Variants in NUBPL observed in about 807,000 individuals in gnomAD.
NUBPL encodes the protein iron-sulfur cluster transfer protein NUBPL.
A neutral mutation model predicts 45.7 loss-of-function variants in NUBPL; 31 were observed. The observed-to-expected ratio is 0.68, with a 90% confidence interval of 0.51 to 0.92. The LOEUF (loss-of-function observed/expected upper bound fraction) is 0.92. Among genes scored for constraint, NUBPL ranks in the 40% least tolerant of loss-of-function variants. The pLI, the probability that NUBPL is intolerant of heterozygous loss-of-function variation, is 0.00. For synonymous variants in NUBPL, 144 were observed against 140.9 expected (o/e 1.02, Z -0.15); for missense variants, 401 against 398.7 (o/e 1.01, Z -0.05).
chr14:31,773,502 T>C (rs527432467), intron 6 of NUBPL, among the ~76,000 whole-genome samples: 14 of 152,182 alleles, frequency 9.2e-5, no homozygotes, highest in African/African-American at 2.9e-4. Flanking sequence ...TAGTTACATA[T>C]AAAAAAATTA....
chr14:31,609,971 A>C (rs1240078655), intron 4 of NUBPL, among the ~76,000 whole-genome samples: 1 of 152,140 alleles, frequency 6.6e-6, no homozygotes, highest in Non-Finnish European at 1.5e-5. Flanking sequence ...AAAAGAGGTA[A>C]AATTTTCAAT....
chr14:31,605,107 A>T (rs2034549284), intron 4 of NUBPL, among the ~76,000 whole-genome samples: 2 of 152,304 alleles, frequency 1.3e-5, no homozygotes, highest in South Asian at 2.1e-4. Context: ...ACAAATGCCA[A>T]TTTTTTCCTT....
At chr14:31,592,995 G>GTT (rs1230693252) in intron 3 of NUBPL, among the ~76,000 whole-genome samples, 1 of 151,964 alleles carries the variant, frequency 6.6e-6, no homozygotes, top group East Asian at 1.9e-4. Context: ...ATATGTGCTG[G>GTT]TTTTGCATCT....
At position 31,623,699 on chromosome 14, in the gene NUBPL, C is replaced by G. The variant is rs371050269; in HGVS notation, c.382+24320C>G. ...ACAGAACTATGAGTCAATTAAACCT[C>G]TTTTCTTTATTACCCAGTCTTAGGT... On this transcript the variant is annotated intron_variant, in intron 4 of 10. Coordinates refer to ENST00000281081, the MANE Select transcript of NUBPL (RefSeq NM_025152.3). Among the ~76,000 whole-genome samples, 112 of 152,272 alleles carry G rather than the reference C, an allele frequency of 7.4e-4. 2 individuals carry two copies. The South Asian group carries it at 0.023, about 31-fold the overall frequency.
chr14:31,739,316 C>T (rs1178410305), intron 6 of NUBPL, among the ~76,000 whole-genome samples: 1 of 148,498 alleles, frequency 6.7e-6, no homozygotes, highest in Non-Finnish European at 1.5e-5. Flanking sequence ...AACTCCTGAC[C>T]TCGGATGATC....
At chr14:31,608,642 G>A (rs2034669214) in intron 4 of NUBPL, among the ~76,000 whole-genome samples, 1 of 152,188 alleles carries the variant, frequency 6.6e-6, no homozygotes, top group African/African-American at 2.4e-5. Context: ...ACTCGTAATA[G>A]TAAGTATGCA....
chr14:31,718,801 G>C (rs1302559749), intron 6 of NUBPL, among the ~76,000 whole-genome samples: 1 of 152,138 alleles, frequency 6.6e-6, no homozygotes, highest in Non-Finnish European at 1.5e-5. Flanking sequence ...ATATAAAAAA[G>C]ATTAGTGTTT....
intron 4 of NUBPL, among the ~76,000 whole-genome samples, chr14:31,625,021 C>A (rs1232175138): frequency 6.6e-6 from 1 of 152,130 alleles, no homozygotes; most frequent in Admixed American, 6.5e-5. Flanking sequence ...GGTTGAGAAA[C>A]CATGATTAGA....
At chr14:31,588,484 T>C (rs2034053937) in intron 3 of NUBPL, among the ~76,000 whole-genome samples, 1 of 152,096 alleles carries the variant, frequency 6.6e-6, no homozygotes, top group African/African-American at 2.4e-5. Context: ...TCTTTACAGG[T>C]AAGAAAATTG....
At chr14:31,780,207 C>T (rs186977062) in intron 6 of NUBPL, among the ~76,000 whole-genome samples, 23 of 151,396 alleles carry the variant, frequency 1.5e-4, no homozygotes, top group South Asian at 2.1e-4. Flanking sequence ...GGATTACAGG[C>T]ATGTGCCACC....
At chr14:31,787,554 G>A (rs926837362) in intron 6 of NUBPL, among the ~76,000 whole-genome samples, 2 of 152,182 alleles carry the variant, frequency 1.3e-5, no homozygotes, top group East Asian at 3.9e-4. Context: ...GTATGCGGAT[G>A]AGTCATCTGG....
chr14:31,780,823 T>C (rs2039179901), intron 6 of NUBPL, among the ~76,000 whole-genome samples: 2 of 152,338 alleles, frequency 1.3e-5, no homozygotes, highest in South Asian at 4.1e-4. Flanking sequence ...ATATAACTAA[T>C]TTCACATCAT....
At chr14:31,775,858 AAAGCTT>A (rs1316316202) in intron 6 of NUBPL, among the ~76,000 whole-genome samples, 1 of 152,150 alleles carries the variant, frequency 6.6e-6, no homozygotes, top group Non-Finnish European at 1.5e-5. Flanking sequence ...TGAAGCTAAT[AAAGCTT>A]AAGTTCAGGG....
chr14:31,807,279 A>G (rs968515617), intron 7 of NUBPL, among the ~76,000 whole-genome samples: 1 of 151,138 alleles, frequency 6.6e-6, no homozygotes, highest in African/African-American at 2.5e-5. Context: ...ACTCCCCAGC[A>G]TCTGTTGTTT....
In NUBPL at chr14:31,859,888, T is replaced by C. The variant is rs573903450; in HGVS notation, c.*708T>C. The stretch of plus-strand genomic sequence containing the variant: ...AATTTGAGATATAATTTGAAGGCAC[T>C]CAACCTTGAGTGTCTTGCTGAGGGT... On this transcript the variant is annotated 3_prime_UTR_variant, in exon 11 of 11. Transcript: ENST00000281081. 1 of 153,318 alleles carries C rather than the reference T, an allele frequency of 6.5e-6. No homozygotes were observed. The highest frequency in any genetic ancestry group is 1.5e-5 in the Non-Finnish European group (1 of 68,820). 9.5% of individuals were successfully genotyped at this position (153,318 alleles called of 1,614,324 possible).
chr14:31,607,062 A>C (rs1048372671), intron 4 of NUBPL, among the ~76,000 whole-genome samples: 13 of 152,154 alleles, frequency 8.5e-5, no homozygotes, highest in African/African-American at 2.9e-4. Flanking sequence ...TTGGCTATTA[A>C]CCTTCTCTAA....
intron 6 of NUBPL, among the ~76,000 whole-genome samples, chr14:31,742,796 G>T (rs376309649): frequency 6.7e-6 from 1 of 149,012 alleles, no homozygotes; most frequent in Non-Finnish European, 1.5e-5. Flanking sequence ...TGGTAGAGGT[G>T]GGGTTTCACC....
intron 6 of NUBPL, among the ~76,000 whole-genome samples, chr14:31,689,932 G>GTT (rs34845208): frequency 1.4e-5 from 2 of 146,306 alleles, no homozygotes; most frequent in African/African-American, 5.0e-5. Context: ...TTTCCCCATT[G>GTT]TTTTTTTTTT....
chr14:31,816,480 G>C (rs938507530), intron 7 of NUBPL, among the ~76,000 whole-genome samples: 2 of 151,922 alleles, frequency 1.3e-5, no homozygotes, highest in African/African-American at 4.8e-5. Flanking sequence ...GAAAAAATCA[G>C]CTCCTAGATT....
Sources: gnomAD v4.1 joint callset for allele counts (sites outside exome capture counted in the v4.1 genomes callset) on GRCh38, gnomAD v4.1.1 for gene constraint, MANE v1.5 for transcripts, NCBI Gene and HGNC (gene_info 2026-07-23, HGNC 2026-07-21) for gene names.